SLC39A14: variants seen among roughly 807,000 people sequenced by gnomAD.
SLC39A14 encodes the protein solute carrier family 39 member 14, also known as metal cation symporter ZIP14.
SLC39A14 carries 19 observed loss-of-function variants against 45.5 expected under a neutral mutation model. The ratio of observed to expected loss-of-function variants is 0.42; its 90% CI spans 0.29 to 0.61. The LOEUF is 0.61. Ranked by LOEUF, SLC39A14 falls within the 20% of genes least tolerant of loss-of-function variation. The pLI is 0.22. For synonymous variants in SLC39A14, 264 were observed against 251.3 expected (o/e 1.05, Z -0.48); for missense variants, 447 against 616.5 (o/e 0.73, Z 2.91).
chr8:22,379,002 C>T (rs2132183521), intron 1 of SLC39A14, among the ~76,000 whole-genome samples: 1 of 152,314 alleles, frequency 6.6e-6, no homozygotes, highest in East Asian at 1.9e-4. Context: ...GCAGGTGTCA[C>T]CAGGACCATA....
intron 8 of SLC39A14, among the ~76,000 whole-genome samples, chr8:22,432,904 C>T (rs1836490492): frequency 6.6e-6 from 1 of 150,772 alleles, no homozygotes; most frequent in African/African-American, 2.4e-5. Context: ...CCACCCACCT[C>T]AGCCTCCCAA....
At chr8:22,389,903 C>CA (rs1292074970) in intron 1 of SLC39A14, 1 of 157,924 alleles carries the variant, frequency 6.3e-6, no homozygotes, top group African/African-American at 2.4e-5. Context: ...TCCAGTAGCT[C>CA]AGGCCCGTAC....
chr8:22,395,049 C>T (rs1214560094), intron 1 of SLC39A14, among the ~76,000 whole-genome samples: 1 of 150,864 alleles, frequency 6.6e-6, no homozygotes, highest in Non-Finnish European at 1.5e-5. Flanking sequence ...CTCACTCTGT[C>T]GCCAGCCTGG....
Position 22,417,740 on chromosome 8 carries a change from C to T in SLC39A14, c.1237C>T (p.Leu413=), listed in dbSNP as rs1172872462. The stretch of plus-strand genomic sequence containing the variant: ...TTCTGCCTGCTGCTGCTACCTGGGT[C>T]TGGCCTTTGGCATCCTGGCCGGCAG... ...FLSACCCYLG[L]AFGILAGSHF... Residue 413 remains leucine (L), a synonymous_variant, in exon 8 of 9, where the codon CTG becomes TTG. Coordinates refer to ENST00000381237, the MANE Select transcript of SLC39A14 (RefSeq NM_001128431.4). The T allele has an allele frequency of 6.2e-7, 1 of 1,614,050 alleles. No homozygotes were observed. The highest frequency in any genetic ancestry group is 8.5e-7 in the Non-Finnish European group (1 of 1,180,034).
intron 8 of SLC39A14, among the ~76,000 whole-genome samples, chr8:22,418,809 G>GT (rs1836044525): frequency 6.6e-6 from 1 of 152,176 alleles, no homozygotes. Context: ...GATTATAGGT[G>GT]TGAGCCACTG....
chr8:22,392,396 G>A (rs1372299253), intron 1 of SLC39A14, among the ~76,000 whole-genome samples: 1 of 152,110 alleles, frequency 6.6e-6, no homozygotes, highest in Non-Finnish European at 1.5e-5. Flanking sequence ...CGTGTGGCAC[G>A]TCGTGTTGTC....
At chr8:22,412,242 C>T (rs1423044791) in intron 4 of SLC39A14, 36 bp downstream of exon 4, 21 of 1,546,042 alleles carry the variant, frequency 1.4e-5, no homozygotes, top group South Asian at 3.6e-5. Context: ...CGGAGCATGC[C>T]GGCGGGCACA....
At chr8:22,399,224 C>T (rs1022819511) in intron 1 of SLC39A14, among the ~76,000 whole-genome samples, 7 of 152,310 alleles carry the variant, frequency 4.6e-5, no homozygotes, top group Middle Eastern at 3.4e-3. Context: ...TGGGGCCATG[C>T]GCGCGGACCC....
chr8:22,377,570 T>C (rs1426653413), intron 1 of SLC39A14, among the ~76,000 whole-genome samples: 1 of 152,244 alleles, frequency 6.6e-6, no homozygotes, highest in Non-Finnish European at 1.5e-5. Context: ...ACGCTTATTC[T>C]GATCTAACCT....
At chr8:22,382,542 G>A (rs910909767) in intron 1 of SLC39A14, among the ~76,000 whole-genome samples, 2 of 152,218 alleles carry the variant, frequency 1.3e-5, no homozygotes, top group African/African-American at 4.8e-5. Context: ...ACCAGGCTTG[G>A]TGGCATGTGC....
chr8:22,413,431 G>A (rs1047513314), intron 4 of SLC39A14, among the ~76,000 whole-genome samples: 1 of 152,172 alleles, frequency 6.6e-6, no homozygotes, highest in Admixed American at 6.5e-5. Context: ...CCATGATTCT[G>A]TATTCACCAT....
At position 22,420,215 on chromosome 8, in the gene SLC39A14, A is replaced by G. The variant is rs889691116; in HGVS notation, c.*517A>G. On this transcript the variant is annotated 3_prime_UTR_variant, in exon 9 of 9. Coordinates refer to ENST00000381237, the MANE Select transcript of SLC39A14 (RefSeq NM_001128431.4). ...TTTTTCAAAGTCTGTTTAATTGCCT[A>G]TTACTTCTCTCAAAGAGAACCTGAA... 1 of 985,896 alleles carries G rather than the reference A, an allele frequency of 1.0e-6. No homozygotes were observed. Among genetic ancestry groups the G allele is most frequent in the Non-Finnish European group, 1.2e-6 (1 of 830,310 alleles). 61.1% of individuals were successfully genotyped at this position (985,896 alleles called of 1,614,324 possible).
At chr8:22,381,559 A>C (rs956967694) in intron 1 of SLC39A14, among the ~76,000 whole-genome samples, 7 of 152,160 alleles carry the variant, frequency 4.6e-5, no homozygotes, top group African/African-American at 1.7e-4. Context: ...CGTGAGCCAT[A>C]GCGCCCGGCC....
At chr8:22,411,950 C>T in intron 3 of SLC39A14, 87 bp from the exon 4 acceptor site, 2 of 1,283,988 alleles carry the variant, frequency 1.6e-6, no homozygotes, top group Non-Finnish European at 2.1e-6. Flanking sequence ...CTCCACCTTC[C>T]TCCCGCTAAA....
At position 22,394,418 on chromosome 8, in the gene SLC39A14, C is replaced by A. The variant is rs867360346; in HGVS notation, c.-15-10278C>A. Among the ~76,000 whole-genome samples the A allele has an allele frequency of 1.2e-4, 18 of 150,942 alleles. No individual in the cohort carries two copies. The South Asian group carries it at 2.7e-3, about 23-fold the overall frequency. On this transcript the variant is annotated intron_variant, in intron 1 of 8. Coordinates refer to ENST00000381237, the MANE Select transcript of SLC39A14 (RefSeq NM_001128431.4). Reference sequence around the variant, plus strand: ...CACTACAAGCTCCACCTCCCGAGTTCACGCCATTCTCCTGCCTCAACCTCC... The same window carrying A: ...CACTACAAGCTCCACCTCCCGAGTTAACGCCATTCTCCTGCCTCAACCTCC...
chr8:22,406,669 C>T (rs1361404361), intron 2 of SLC39A14, among the ~76,000 whole-genome samples: 5 of 152,000 alleles, frequency 3.3e-5, no homozygotes, highest in Non-Finnish European at 5.9e-5. Context: ...TCCAGCCTGG[C>T]GACAGAGCGA....
chr8:22,424,488 T>C (rs10113608), downstream of SLC39A14, among the ~76,000 whole-genome samples: 2,504 of 152,306 alleles, frequency 0.016, 59 homozygotes, highest in African/African-American at 0.056. Context: ...TTAATTTGCA[T>C]TACCTCACTA....
At chr8:22,398,036 G>A (rs954414998) in intron 1 of SLC39A14, among the ~76,000 whole-genome samples, 4 of 152,078 alleles carry the variant, frequency 2.6e-5, no homozygotes, top group Non-Finnish European at 5.9e-5. Flanking sequence ...CTCATTTTAC[G>A]TCCTTTGAGA....
At chr8:22,388,717 TG>T (rs1302185876) in intron 1 of SLC39A14, among the ~76,000 whole-genome samples, 6 of 152,114 alleles carry the variant, frequency 3.9e-5, no homozygotes. Flanking sequence ...GCAGAGGATG[TG>T]GGAAGGCCTT....
Sources: allele counts gnomAD v4.1 joint callset (sites outside exome capture counted in the v4.1 genomes callset), GRCh38; gene constraint gnomAD v4.1.1; transcripts MANE v1.5; gene names NCBI Gene and HGNC (gene_info 2026-07-23, HGNC 2026-07-21).